Variants in ZNF280D observed in about 807,000 individuals in gnomAD.
ZNF280D encodes the protein zinc finger protein 280D, also known as suppressor of hairy wing homolog 4.
Under a neutral mutation model 94.7 loss-of-function variants are expected in ZNF280D, and 39 were observed. That is an observed-to-expected ratio of 0.41 (90% confidence interval 0.32 to 0.54). ZNF280D has a LOEUF of 0.54. Among genes scored for constraint, ZNF280D ranks in the 20% least tolerant of loss-of-function variants. The probability of loss-of-function intolerance (pLI) is 0.22; values close to 1 mark genes in which losing one functional copy is unlikely to be tolerated. For missense variants in ZNF280D, 1,090 were observed against 1,149.3 expected, an observed-to-expected ratio of 0.95 and a Z score of 0.75; for synonymous variants, 398 against 377.6, an observed-to-expected ratio of 1.05 and a Z score of -0.63.
intron 3 of ZNF280D, among the ~76,000 whole-genome samples, chr15:56,706,658 G>A (rs2057421295): frequency 6.6e-6 from 1 of 151,936 alleles, no homozygotes; most frequent in South Asian, 2.1e-4. Context: ...CCCAATCTGT[G>A]GTACTTTGTT....
At chr15:56,652,584 A>G in intron 19 of ZNF280D, 1 of 954,868 alleles carries the variant, frequency 1.0e-6, no homozygotes, top group Non-Finnish European at 1.2e-6. Context: ...TTTAAAATAT[A>G]TAAAGGAAAG....
chr15:56,654,928 T>C (rs1596365240), intron 17 of ZNF280D: 1 of 380,148 alleles, frequency 2.6e-6, no homozygotes, highest in African/African-American at 2.1e-5. Context: ...ATTGTGAATA[T>C]AATGGTGAAC....
chr15:56,642,846 A>G (rs926437045), intron 20 of ZNF280D, 106 bp downstream of exon 20: 5 of 631,216 alleles, frequency 7.9e-6, no homozygotes, highest in Non-Finnish European at 1.2e-5. Context: ...CAACATCCCA[A>G]ATATTGTTGA....
intron 1 of ZNF280D, chr15:56,725,015 T>TA (rs1372480623): frequency 4.6e-5 from 16 of 347,284 alleles, no homozygotes; most frequent in Admixed American, 4.5e-4. Flanking sequence ...GCAGAGCAAG[T>TA]AAAAAAAGCA....
intron 9 of ZNF280D, among the ~76,000 whole-genome samples, chr15:56,683,235 C>T (rs1170866098): frequency 6.6e-6 from 1 of 151,794 alleles, no homozygotes; most frequent in Non-Finnish European, 1.5e-5. Flanking sequence ...CATTGACAAC[C>T]AAAAATGGAC....
chr15:56,653,337 C>A (rs535488687), intron 19 of ZNF280D: 1 of 1,255,160 alleles, frequency 8.0e-7, no homozygotes, highest in Non-Finnish European at 1.0e-6. Context: ...AAGCCAAAGC[C>A]CCCAGTGGGA....
rs201389564 is a variant in ZNF280D, at chr15:56,666,385, T to C, written c.1994+10A>G. 5.6e-6 allele frequency: 9 copies of C among 1,601,482 alleles called. No individual in the cohort carries two copies. The highest frequency in any genetic ancestry group is 1.7e-4 in the Middle Eastern group (1 of 6,022). On this transcript the variant is annotated intron_variant, in intron 16 of 21. Coordinates refer to ENST00000267807, the MANE Select transcript of ZNF280D (RefSeq NM_017661.4). ...TTTAATTGGCAATTTACACATTTAA[T>C]TCATCTTACCTCATCATATGATTTA...
Position 56,642,994 on chromosome 15 carries a change from T to G in ZNF280D, c.2217A>C (p.Leu739Phe). ...GTTCCTTTGCGGGAGCTTCTTTTTT[T>G]AATCTTGAAAACAAGATAAGTATTG... The part of the protein sequence containing the change: ...CIPTSEHLSE[L>F]KKEAPAKEQE... Residue 739 changes from leucine to phenylalanine, a missense_variant, in exon 20 of 22, where the codon TTA (leucine) becomes TTC (phenylalanine). Leu to Phe is a conservative substitution (Grantham distance 22). Coordinates refer to ENST00000267807, the MANE Select transcript of ZNF280D (RefSeq NM_017661.4). 2 of 1,504,020 alleles carry G rather than the reference T, an allele frequency of 1.3e-6. No individual in the cohort carries two copies. Among genetic ancestry groups the G allele is most frequent in the Non-Finnish European group, 1.8e-6 (2 of 1,129,758 alleles). 93.2% of individuals were successfully genotyped at this position (1,504,020 alleles called of 1,614,324 possible). A position where few individuals can be genotyped will look rare whatever the true frequency, so the allele number is the denominator to read the frequency against.
At chr15:56,638,623 T>C (rs890878187) in intron 20 of ZNF280D, among the ~76,000 whole-genome samples, 1 of 152,128 alleles carries the variant, frequency 6.6e-6, no homozygotes, top group Admixed American at 6.5e-5. Context: ...AAGTGTAAAA[T>C]CAAGCCATTC....
chr15:56,700,098 G>T, intron 6 of ZNF280D: 1 of 625,446 alleles, frequency 1.6e-6, no homozygotes, highest in Non-Finnish European at 2.0e-6. Flanking sequence ...CTCTGAAAGG[G>T]TCTTGGGGAA....
chr15:56,638,886 G>A (rs1051888207), intron 20 of ZNF280D, among the ~76,000 whole-genome samples: 2 of 151,812 alleles, frequency 1.3e-5, no homozygotes, highest in Non-Finnish European at 2.9e-5. Flanking sequence ...AAACACATAC[G>A]GTTTTCAATG....
chr15:56,711,807 A>G (rs1194680909), intron 1 of ZNF280D, among the ~76,000 whole-genome samples: 1 of 152,232 alleles, frequency 6.6e-6, no homozygotes, highest in East Asian at 1.9e-4. Flanking sequence ...TCATTAGATG[A>G]TTTTGTAGTT....
At chr15:56,685,280 T>C (rs1405327735) in intron 9 of ZNF280D, among the ~76,000 whole-genome samples, 2 of 151,924 alleles carry the variant, frequency 1.3e-5, no homozygotes, top group African/African-American at 2.4e-5. Context: ...AAAACACTGA[T>C]GATGAACAGT....
intron 20 of ZNF280D, among the ~76,000 whole-genome samples, chr15:56,636,735 C>T (rs1028390414): frequency 5.3e-5 from 8 of 152,054 alleles, no homozygotes; most frequent in African/African-American, 1.2e-4. Flanking sequence ...CCACCCACCT[C>T]GGCCTCCCAA....
At chr15:56,666,585 A>G (rs754597250) in intron 15 of ZNF280D, 50 bp from the exon 16 acceptor site, 3 of 1,529,834 alleles carry the variant, frequency 2.0e-6, no homozygotes, top group Non-Finnish European at 2.6e-6. Context: ...AAACAAAAAT[A>G]ATAAGGAAGA....
At chr15:56,701,649 T>G (rs1285460912) in intron 4 of ZNF280D, among the ~76,000 whole-genome samples, 1 of 152,142 alleles carries the variant, frequency 6.6e-6, no homozygotes, top group Non-Finnish European at 1.5e-5. Flanking sequence ...TTACATACAG[T>G]CAGGTTCCTA....
intron 1 of ZNF280D, among the ~76,000 whole-genome samples, chr15:56,712,312 T>C (rs2057801368): frequency 6.6e-6 from 1 of 152,044 alleles, no homozygotes; most frequent in Non-Finnish European, 1.5e-5. Flanking sequence ...AAATTAACAT[T>C]TAGATAAGGT....
chr15:56,694,338 C>CAA (rs1491352998), intron 6 of ZNF280D, among the ~76,000 whole-genome samples: 1 of 130,252 alleles, frequency 7.7e-6, no homozygotes, highest in African/African-American at 2.8e-5. Context: ...CACACACACA[C>CAA]AAGTATACTC....
At chr15:56,680,188 A>G (rs892221012) in intron 10 of ZNF280D, among the ~76,000 whole-genome samples, 1 of 152,198 alleles carries the variant, frequency 6.6e-6, no homozygotes, top group Non-Finnish European at 1.5e-5. Context: ...ATATATTGAC[A>G]TGGCAGAGAA....
Sources: allele counts gnomAD v4.1 joint callset (sites outside exome capture counted in the v4.1 genomes callset), GRCh38; gene constraint gnomAD v4.1.1; transcripts MANE v1.5; gene names NCBI Gene and HGNC (gene_info 2026-07-23, HGNC 2026-07-21).